Variants in DLGAP1 observed in about 807,000 individuals in gnomAD.
DLGAP1 encodes the protein disks large-associated protein 1.
A neutral mutation model predicts 90.8 loss-of-function variants in DLGAP1; 11 were observed. That is an observed-to-expected ratio of 0.12 (90% CI 0.08 to 0.20). The LOEUF (loss-of-function observed/expected upper bound fraction) is 0.20, where lower values mean the gene tolerates loss of function less well. DLGAP1 is among the 10% of genes least tolerant of loss of function. The pLI is 1.00. For missense variants in DLGAP1, 1,050 were observed against 1,333.8 expected, an observed-to-expected ratio of 0.79 and a Z score of 3.31; for synonymous variants, 558 against 540.7, an observed-to-expected ratio of 1.03 and a Z score of -0.44.
chr18:4,139,425 G>T (rs1407315080), intron 2 of DLGAP1, among the ~76,000 whole-genome samples: 2 of 151,898 alleles, frequency 1.3e-5, no homozygotes, highest in African/African-American at 4.8e-5. Flanking sequence ...TCTTTGCATA[G>T]TTTCCAAAGT....
intron 7 of DLGAP1, among the ~76,000 whole-genome samples, chr18:3,652,523 AG>A (rs1478797518): frequency 6.6e-6 from 1 of 152,022 alleles, no homozygotes; most frequent in Non-Finnish European, 1.5e-5. Flanking sequence ...TGTAGAGATG[AG>A]GGGGACTCGC....
chr18:3,925,961 C>A (rs4076011), intron 3 of DLGAP1, among the ~76,000 whole-genome samples: 1 of 151,710 alleles, frequency 6.6e-6, no homozygotes, highest in South Asian at 2.1e-4. Context: ...GACAGCAATT[C>A]GGAATCATAC....
intron 9 of DLGAP1, among the ~76,000 whole-genome samples, chr18:3,562,945 C>T (rs1376032790): frequency 6.6e-6 from 1 of 152,136 alleles, no homozygotes; most frequent in Non-Finnish European, 1.5e-5. Flanking sequence ...CTTTCCACCT[C>T]AGCCTACTGA....
At chr18:3,930,879 C>A (rs969451817) in intron 3 of DLGAP1, among the ~76,000 whole-genome samples, 11 of 152,206 alleles carry the variant, frequency 7.2e-5, no homozygotes, top group African/African-American at 2.2e-4. Context: ...AGAGACATTT[C>A]TCTTGTGGTT....
At position 3,880,124 on chromosome 18, in the gene DLGAP1, C is replaced by G. The variant is rs1210815438; in HGVS notation, c.-56G>C. The G allele has an allele frequency of 1.7e-5, 26 of 1,528,580 alleles. No individual in the cohort carries two copies. Among genetic ancestry groups the G allele is most frequent in the Non-Finnish European group, 2.3e-5 (26 of 1,120,134 alleles). The allele number at this position is 1,528,580 out of a possible 1,614,324, so 94.7% of individuals were successfully genotyped here. A position where few individuals can be genotyped will look rare whatever the true frequency, so the allele number is the denominator to read the frequency against. On this transcript the variant is annotated 5_prime_UTR_variant, in exon 4 of 13. Coordinates refer to ENST00000315677, the MANE Select transcript of DLGAP1 (RefSeq NM_004746.4). ...GACACCCGGAAGTCAGGCTCCAGAC[C>G]CGTCTTGGGCAGGGATCTGGGGGAA...
At chr18:3,588,777 C>A (rs1217647560) in intron 7 of DLGAP1, among the ~76,000 whole-genome samples, 8 of 61,972 alleles carry the variant, frequency 1.3e-4, no homozygotes, top group African/African-American at 3.8e-4. Flanking sequence ...GAGACTCCAT[C>A]TCAAAAAAAA....
intron 3 of DLGAP1, among the ~76,000 whole-genome samples, chr18:3,985,918 A>G (rs369229436): frequency 2.4e-4 from 36 of 152,306 alleles, no homozygotes; most frequent in African/African-American, 8.7e-4. Flanking sequence ...CTTTTCTGGA[A>G]TACAAAAGAG....
chr18:4,440,018 G>C (rs2083493551), intron 1 of DLGAP1, among the ~76,000 whole-genome samples: 1 of 150,926 alleles, frequency 6.6e-6, no homozygotes, highest in Admixed American at 6.6e-5. Flanking sequence ...TACTCGGGAG[G>C]CTGAGGCAGG....
intron 7 of DLGAP1, among the ~76,000 whole-genome samples, chr18:3,664,958 T>C (rs1458357315): frequency 6.6e-6 from 1 of 152,214 alleles, no homozygotes; most frequent in Non-Finnish European, 1.5e-5. Flanking sequence ...TGGGAAAGAC[T>C]GTGACTTAAT....
At chr18:4,425,569 C>A (rs911746049) in intron 1 of DLGAP1, among the ~76,000 whole-genome samples, 2 of 152,168 alleles carry the variant, frequency 1.3e-5, no homozygotes, top group Admixed American at 6.5e-5. Context: ...ATATTGATTT[C>A]AAGAATGCAG....
intron 12 of DLGAP1, chr18:3,502,206 C>T (rs1333229496): frequency 1.6e-6 from 2 of 1,276,528 alleles, no homozygotes; most frequent in African/African-American, 3.1e-5. Flanking sequence ...GGAGGCAGTT[C>T]CTTCCAGTGA....
intron 5 of DLGAP1, among the ~76,000 whole-genome samples, chr18:3,797,742 A>T (rs1398467170): frequency 6.6e-6 from 1 of 152,194 alleles, no homozygotes; most frequent in African/African-American, 2.4e-5. Context: ...GACTCAGTGT[A>T]TCATAATGTA....
At chr18:3,787,249 C>T (rs1051641613) in intron 5 of DLGAP1, among the ~76,000 whole-genome samples, 5 of 151,638 alleles carry the variant, frequency 3.3e-5, no homozygotes, top group Non-Finnish European at 5.9e-5. Flanking sequence ...TTTGGGAGGC[C>T]GAGGCGGGCG....
intron 1 of DLGAP1, among the ~76,000 whole-genome samples, chr18:4,421,833 C>T (rs1279863486): frequency 2.0e-5 from 3 of 152,038 alleles, no homozygotes; most frequent in Non-Finnish European, 4.4e-5. Context: ...CTCAGCCTCC[C>T]GAGTAGCTGG....
intron 7 of DLGAP1, among the ~76,000 whole-genome samples, chr18:3,701,975 G>C (rs1485466913): frequency 1.3e-5 from 2 of 152,162 alleles, no homozygotes; most frequent in Admixed American, 1.3e-4. Context: ...ATCGGGGTAA[G>C]GTTGAGATGT....
Position 3,807,119 on chromosome 18 carries a change from C to G in DLGAP1, c.1172+6940G>C, listed in dbSNP as rs111432666. 1.3e-3 allele frequency among the ~76,000 whole-genome samples: 193 copies of G among 152,284 alleles called. 2 individuals carry two copies. Among genetic ancestry groups the G allele is most frequent in the African/African-American group, 4.5e-3 (187 of 41,554 alleles). On this transcript the variant is annotated intron_variant, in intron 5 of 12. Coordinates refer to ENST00000315677, the MANE Select transcript of DLGAP1 (RefSeq NM_004746.4). ...AGTCAAGATGTTCTCAAGATCCTTCCTGTTTCAGCTGCATGTCTGATGTTT... is the reference window on the plus strand; with the variant it reads ...AGTCAAGATGTTCTCAAGATCCTTCGTGTTTCAGCTGCATGTCTGATGTTT...
intron 3 of DLGAP1, among the ~76,000 whole-genome samples, chr18:3,964,810 GAGA>G (rs1353822735): frequency 1.3e-5 from 2 of 152,160 alleles, no homozygotes; most frequent in African/African-American, 4.8e-5. Context: ...ACAAAAACAG[GAGA>G]AGGAGAAAGT....
chr18:3,813,714 T>G (rs1419120961), intron 5 of DLGAP1, among the ~76,000 whole-genome samples: 1 of 152,052 alleles, frequency 6.6e-6, no homozygotes, highest in Admixed American at 6.6e-5. Context: ...TGAGCAAACG[T>G]TCAAGAATTG....
At chr18:3,622,361 T>C (rs2058128671) in intron 7 of DLGAP1, among the ~76,000 whole-genome samples, 1 of 152,140 alleles carries the variant, frequency 6.6e-6, no homozygotes, top group East Asian at 1.9e-4. Context: ...TGCTTCATTC[T>C]CCCAAAGTGC....
Sources: allele counts gnomAD v4.1 joint callset (sites outside exome capture counted in the v4.1 genomes callset), GRCh38; gene constraint gnomAD v4.1.1; transcripts MANE v1.5; gene names NCBI Gene and HGNC (gene_info 2026-07-23, HGNC 2026-07-21).